MRE11: variants seen among roughly 807,000 people sequenced by gnomAD.
The protein encoded by MRE11 is double-strand break repair protein MRE11.
A neutral mutation model predicts 91.7 loss-of-function variants in MRE11; 62 were observed. That is an observed-to-expected ratio of 0.68 (90% CI 0.55 to 0.84). The LOEUF is 0.84. Ranked by LOEUF, MRE11 falls within the 40% of genes least tolerant of loss-of-function variation. The pLI is 0.00. For missense variants in MRE11, 796 were observed against 852.9 expected (o/e 0.93, Z 0.83); for synonymous variants, 273 against 271.4 (o/e 1.01, Z -0.06).
upstream of MRE11, chr11:94,498,548 T>C (rs760222963): frequency 1.1e-5 from 18 of 1,587,098 alleles, no homozygotes; most frequent in South Asian, 2.1e-4. Context: ...CTAGTAATTT[T>C]CCTAAGTTTC....
chr11:94,492,830 C>A lies in MRE11; in HGVS notation c.-29G>T. The A allele has an allele frequency of 1.2e-6, 2 of 1,610,122 alleles. No homozygotes were observed. The highest frequency in any genetic ancestry group is 8.5e-7 in the Non-Finnish European group (1 of 1,177,262). ...TATGGTCAGTCAAGCTCCTCTGGGA[C>A]CAGGTTCTTCTCCAAGAACCCCTGG... On this transcript the variant is annotated 5_prime_UTR_variant, in exon 2 of 20. Transcript: ENST00000323929.
intron 6 of MRE11, among the ~76,000 whole-genome samples, chr11:94,478,325 C>T (rs933448502): frequency 3.3e-5 from 5 of 152,106 alleles, no homozygotes; most frequent in African/African-American, 1.2e-4. Context: ...GATATAACAT[C>T]CAGATTTCAT....
At chr11:94,457,887 TCA>T (rs1555008822) in intron 13 of MRE11, among the ~76,000 whole-genome samples, 144 of 144,274 alleles carry the variant, frequency 1.0e-3, no homozygotes, top group East Asian at 3.5e-3. Context: ...TCTCTCTCTC[TCA>T]CACACACACA....
At position 94,418,991 on chromosome 11, in the gene MRE11, T is replaced by C. The variant is rs764546807; in HGVS notation, c.*1134A>G. 4.3e-5 allele frequency: 10 copies of C among 231,128 alleles called. No individual in the cohort carries two copies. The highest frequency in any genetic ancestry group is 7.7e-5 in the Non-Finnish European group (9 of 116,870). 14.3% of individuals were successfully genotyped at this position (231,128 alleles called of 1,614,324 possible). ...CTACCTATGAAGAAATGTCGGGCCA[T>C]TGTACTCCCAAGATGTATAACTTGA... On this transcript the variant is annotated 3_prime_UTR_variant, in exon 20 of 20. Coordinates refer to ENST00000323929, the MANE Select transcript of MRE11 (RefSeq NM_005591.4).
intron 7 of MRE11, among the ~76,000 whole-genome samples, chr11:94,475,055 T>C (rs1322874775): frequency 6.6e-6 from 1 of 152,148 alleles, no homozygotes; most frequent in East Asian, 1.9e-4. Context: ...TTAAACCCTT[T>C]CTTTTACCGA....
In MRE11 at chr11:94,417,414, GA is replaced by G; in HGVS notation, c.*2710del. The G allele has an allele frequency of 4.3e-6, 1 of 232,340 alleles. No homozygotes were observed. Among genetic ancestry groups the G allele is most frequent in the Non-Finnish European group, 8.5e-6 (1 of 117,556 alleles). The allele number at this position is 232,340 out of a possible 1,614,324, so 14.4% of individuals were successfully genotyped here. A position where few individuals can be genotyped will look rare whatever the true frequency, so the allele number is the denominator to read the frequency against. On this transcript the variant is annotated 3_prime_UTR_variant, in exon 20 of 20. Coordinates refer to ENST00000323929, the MANE Select transcript of MRE11 (RefSeq NM_005591.4). ...AATTCCATAACAGGCTGAACCAAAT[GA>G]AATACCTAAGTAAAGCAAATTACAT...
At chr11:94,445,577 G>A (rs1171323393) in intron 16 of MRE11, among the ~76,000 whole-genome samples, 1 of 152,144 alleles carries the variant, frequency 6.6e-6, no homozygotes, top group Admixed American at 6.5e-5. Context: ...CAAAGTGCTG[G>A]GATTACAGGT....
intron 14 of MRE11, among the ~76,000 whole-genome samples, chr11:94,452,107 G>C (rs993849761): frequency 6.7e-6 from 1 of 149,264 alleles, no homozygotes; most frequent in Non-Finnish European, 1.5e-5. Context: ...TGAAGCACGA[G>C]AATCACCTGA....
chr11:94,446,571 A>G (rs1032911918), intron 15 of MRE11, among the ~76,000 whole-genome samples: 2 of 152,256 alleles, frequency 1.3e-5, no homozygotes, highest in African/African-American at 4.8e-5. Flanking sequence ...CTATGGATGC[A>G]TATTTAATAA....
intron 19 of MRE11, among the ~76,000 whole-genome samples, chr11:94,420,619 ATTACCAT>A (rs1046025857): frequency 6.6e-6 from 1 of 152,248 alleles, no homozygotes; most frequent in Non-Finnish European, 1.5e-5. Context: ...TTTATTTCCC[ATTACCAT>A]TTAATACTAG....
At position 94,490,888 on chromosome 11, in the gene MRE11, C is replaced by T. The variant is rs761681478; in HGVS notation, c.98G>A (p.Gly33Glu). The T allele has an allele frequency of 1.9e-6, 3 of 1,610,834 alleles. No individual in the cohort carries two copies. The highest frequency in any genetic ancestry group is 2.5e-6 in the Non-Finnish European group (3 of 1,177,472). ...ATCGAGTGTTACAAACGTATCATTTCCTCTGACTGCATCTTTCTCCATAAA... is the reference window on the plus strand; with the variant it reads ...ATCGAGTGTTACAAACGTATCATTTTCTCTGACTGCATCTTTCTCCATAAA... ...LGFMEKDAVR[G>E]NDTFVTLDEI... Residue 33 changes from glycine to glutamate, a missense_variant, in exon 3 of 20, where the codon GGA becomes GAA. Transcript: ENST00000323929.
At chr11:94,490,809 T>C (rs1947263537) in intron 3 of MRE11, 24 bp downstream of exon 3, 1 of 1,612,976 alleles carries the variant, frequency 6.2e-7, no homozygotes, top group East Asian at 2.2e-5. Flanking sequence ...TGGTAGATAG[T>C]GCACAAATAC....
At chr11:94,508,447 G>C in the MRE11 span, among the ~76,000 whole-genome samples, 11,251 of 152,204 alleles carry the variant, frequency 0.074, 529 homozygotes, top group South Asian at 0.17. Flanking sequence ...ATTTGCATTT[G>C]ACATGCGGTA....
chr11:94,487,568 T>A lies in MRE11; in HGVS notation c.154-1484A>T, dbSNP rs774436585. ...GGCAACTAAATGCAATATGTAAACC[T>A]GGACTGGATCCTGGACACCACCAAC... is the stretch of plus-strand genomic sequence containing the variant. On this transcript the variant is annotated intron_variant, in intron 3 of 19. Coordinates refer to ENST00000323929, the MANE Select transcript of MRE11 (RefSeq NM_005591.4). Among the ~76,000 whole-genome samples the A allele has an allele frequency of 2.0e-5, 3 of 152,328 alleles. No individual in the cohort carries two copies. In the South Asian group the frequency reaches 6.2e-4, roughly 32 times the overall value.
the MRE11 span, among the ~76,000 whole-genome samples, chr11:94,512,002 A>T: frequency 6.6e-6 from 1 of 152,278 alleles, no homozygotes; most frequent in African/African-American, 2.4e-5. Context: ...GTATTTACTT[A>T]TTCAATCACG....
intron 14 of MRE11, among the ~76,000 whole-genome samples, chr11:94,449,126 A>T (rs1264965217): frequency 6.6e-6 from 1 of 152,198 alleles, no homozygotes; most frequent in Non-Finnish European, 1.5e-5. Context: ...AAGCTCTGTG[A>T]TACCATAAAG....
At chr11:94,455,466 A>T (rs1008985396) in intron 14 of MRE11, among the ~76,000 whole-genome samples, 4 of 152,160 alleles carry the variant, frequency 2.6e-5, no homozygotes, top group Non-Finnish European at 5.9e-5. Flanking sequence ...CTAACAGTAC[A>T]TAGTTTATAA....
intron 2 of MRE11, among the ~76,000 whole-genome samples, chr11:94,492,268 A>T (rs946563315): frequency 3.9e-5 from 6 of 152,160 alleles, no homozygotes; most frequent in African/African-American, 1.4e-4. Context: ...TTGTATTTTT[A>T]GTAGAGACGG....
chr11:94,464,170 C>T lies in MRE11; in HGVS notation c.1168G>A (p.Ala390Thr). Residue 390 changes from alanine to threonine, a missense_variant, in exon 11 of 20, where the codon GCT becomes ACT. Ala to Thr is a moderately conservative substitution (Grantham distance 58). Transcript: ENST00000323929. Reference protein sequence around the residue: ...RFSQKFVDRVANPKDIIHFFR... With the variant: ...RFSQKFVDRVTNPKDIIHFFR... ...AAATGGATAATGTCTTTTGGATTAG[C>T]TACCCGATCCACAAATTTCTGGCTA... 6.2e-7 allele frequency: 1 copy of T among 1,613,920 alleles called. No individual in the cohort carries two copies. Among genetic ancestry groups the T allele is most frequent in the Non-Finnish European group, 8.5e-7 (1 of 1,179,876 alleles).
Sources: gnomAD v4.1 joint callset for allele counts (sites outside exome capture counted in the v4.1 genomes callset) on GRCh38, gnomAD v4.1.1 for gene constraint, MANE v1.5 for transcripts, NCBI Gene and HGNC (gene_info 2026-07-23, HGNC 2026-07-21) for gene names.